The following CDC42SE2 variants were observed in gnomAD, a reference collection of about 807,000 sequenced individuals.
The protein encoded by CDC42SE2 is CDC42 small effector protein 2.
A neutral mutation model predicts 11.5 loss-of-function variants in CDC42SE2; 3 were observed. The observed-to-expected ratio is 0.26, with a 90% CI of 0.12 to 0.67. CDC42SE2 has a LOEUF of 0.67. Ranked by LOEUF, CDC42SE2 falls within the 30% of genes least tolerant of loss-of-function variation. CDC42SE2 has a pLI of 0.80. For synonymous variants in CDC42SE2, 33 were observed against 34.8 expected, an observed-to-expected ratio of 0.95 and a Z score of 0.18; for missense variants, 82 against 106.8, an observed-to-expected ratio of 0.77 and a Z score of 1.02.
rs73262364 is a variant in CDC42SE2 at position 131,256,592 on chromosome 5, T to G, written n.242+1363T>G. Reference sequence around the variant, plus strand: ...AAGTCAGAGTTCTCATCTGGAGGCCTGGGGGAGAATCTGCTCCCAAGCTCT... The same window carrying G: ...AAGTCAGAGTTCTCATCTGGAGGCCGGGGGGAGAATCTGCTCCCAAGCTCT... On this transcript the variant is annotated intron_variant and non_coding_transcript_variant, in intron 2 of 3. Transcript: ENST00000502840. Among the ~76,000 whole-genome samples, 872 of 152,262 alleles carry G rather than the reference T, an allele frequency of 5.7e-3. 13 individuals carry two copies. The highest frequency in any genetic ancestry group is 0.019 in the African/African-American group (783 of 41,548).
the CDC42SE2 span, among the ~76,000 whole-genome samples, chr5:131,217,240 G>A: frequency 0.29 from 44,825 of 152,054 alleles, 9,898 homozygotes; most frequent in African/African-American, 0.63. Flanking sequence ...ACAGCAACAC[G>A]GTTGAGTAGT....
At chr5:131,248,434 G>C (rs1014355422) in intron 1 of CDC42SE2, among the ~76,000 whole-genome samples, 2 of 152,188 alleles carry the variant, frequency 1.3e-5, no homozygotes, top group East Asian at 3.8e-4. Flanking sequence ...ACCATGCCCG[G>C]CAGAAGCATT....
the CDC42SE2 span, among the ~76,000 whole-genome samples, chr5:131,230,308 A>G: frequency 2.0e-5 from 3 of 152,202 alleles, no homozygotes; most frequent in Non-Finnish European, 4.4e-5. Context: ...CTGTTTCACC[A>G]CTCATAATGA....
intron 1 of CDC42SE2, among the ~76,000 whole-genome samples, chr5:131,308,009 G>T (rs528200365): frequency 7.2e-4 from 109 of 152,118 alleles, no homozygotes; most frequent in African/African-American, 2.2e-3. Context: ...TTCTCCCATT[G>T]TGTAGGTTGC....
chr5:131,376,552 T>C (rs752691547), intron 3 of CDC42SE2, among the ~76,000 whole-genome samples: 6 of 152,310 alleles, frequency 3.9e-5, no homozygotes, highest in South Asian at 2.1e-4. Context: ...ATTATATAGG[T>C]AAACTGAGTC....
intron 1 of CDC42SE2, among the ~76,000 whole-genome samples, chr5:131,277,781 T>G (rs543822536): frequency 4.6e-5 from 7 of 152,304 alleles, no homozygotes; most frequent in Admixed American, 3.9e-4. Context: ...ACCACTCAGT[T>G]AAAAATAGGT....
chr5:131,382,293 G>C (rs1389424664), intron 3 of CDC42SE2, among the ~76,000 whole-genome samples: 1 of 152,172 alleles, frequency 6.6e-6, no homozygotes, highest in African/African-American at 2.4e-5. Flanking sequence ...TTGTTTGTGA[G>C]TATGTGTTAA....
chr5:131,349,649 C>G (rs180780496), intron 2 of CDC42SE2, among the ~76,000 whole-genome samples: 1 of 152,102 alleles, frequency 6.6e-6, no homozygotes, highest in Non-Finnish European at 1.5e-5. Flanking sequence ...GAGCATGATC[C>G]AAAGTAGGCA....
the CDC42SE2 span, among the ~76,000 whole-genome samples, chr5:131,227,924 A>G: frequency 6.6e-6 from 1 of 152,236 alleles, no homozygotes; most frequent in African/African-American, 2.4e-5. Context: ...GTACTGGCTC[A>G]TGCCTGTAAT....
Position 131,334,821 on chromosome 5 carries a change from T to C in CDC42SE2, c.-286+18677T>C, listed in dbSNP as rs554759736. 3.9e-5 allele frequency among the ~76,000 whole-genome samples: 6 copies of C among 152,334 alleles called. No homozygotes were observed. In the South Asian group the frequency reaches 1.2e-3, roughly 32 times the overall value. On this transcript the variant is annotated intron_variant, in intron 2 of 4. Transcript: ENST00000505065. ...GGGATGGGTGGTGATATCCCCTTTA[T>C]CATTTTTTATTGGGTCTATTTGATT... is the stretch of plus-strand genomic sequence containing the variant.
intron 1 of CDC42SE2, among the ~76,000 whole-genome samples, chr5:131,312,083 T>G (rs1757931118): frequency 6.6e-6 from 1 of 152,238 alleles, no homozygotes; most frequent in African/African-American, 2.4e-5. Flanking sequence ...TTTTATCTAC[T>G]TTTGGTCTTT....
intron 1 of CDC42SE2, among the ~76,000 whole-genome samples, chr5:131,282,930 T>C (rs1210752311): frequency 1.6e-5 from 2 of 123,128 alleles, no homozygotes; most frequent in Non-Finnish European, 3.4e-5. Flanking sequence ...CACCTGGCCC[T>C]TTTTTTTTTT....
At chr5:131,264,364 C>T (rs1756807452) in intron 1 of CDC42SE2, among the ~76,000 whole-genome samples, 198 bp downstream of exon 1, 1 of 152,126 alleles carries the variant, frequency 6.6e-6, no homozygotes, top group South Asian at 2.1e-4. Context: ...GTCCTCATGC[C>T]CTAGGACCCT....
In CDC42SE2 at chr5:131,394,243, AAACTG is replaced by A. The variant is rs1353753474; in HGVS notation, c.*3155_*3159del. 6.6e-6 allele frequency: 1 copy of A among 152,368 alleles called. No homozygotes were observed. Among genetic ancestry groups the A allele is most frequent in the Non-Finnish European group, 1.5e-5 (1 of 68,038 alleles). 9.4% of individuals were successfully genotyped at this position (152,368 alleles called of 1,614,324 possible). ...TATGCTAACAAATGTTAAGCAAGGG[AAACTG>A]AAGACTTAGTCATGTGGATTGTTAG... is the stretch of plus-strand genomic sequence containing the variant. On this transcript the variant is annotated 3_prime_UTR_variant, in exon 5 of 5. Transcript: ENST00000505065.
chr5:131,288,823 A>T (rs922920134), intron 1 of CDC42SE2, among the ~76,000 whole-genome samples: 1 of 152,210 alleles, frequency 6.6e-6, no homozygotes, highest in South Asian at 2.1e-4. Context: ...TAGAGATGCT[A>T]TTGACTACTT....
rs1336710070 is a variant in CDC42SE2 at position 131,391,939 on chromosome 5, A to AC, written c.*851dup. 2.0e-5 allele frequency: 3 copies of AC among 152,138 alleles called. No individual in the cohort carries two copies. Among genetic ancestry groups the AC allele is most frequent in the Admixed American group, 6.6e-5 (1 of 15,240 alleles). The allele number at this position is 152,138 out of a possible 1,614,324, so 9.4% of individuals were successfully genotyped here. A position where few individuals can be genotyped will look rare whatever the true frequency, so the allele number is the denominator to read the frequency against. On this transcript the variant is annotated 3_prime_UTR_variant, in exon 5 of 5. Transcript: ENST00000505065. ...AAAGAAGTGTGATGGCACCTTGTCCACCCTGTCGTGATTATTCCAGTGAGA... is the reference window on the plus strand; with the variant it reads ...AAAGAAGTGTGATGGCACCTTGTCCACCCCTGTCGTGATTATTCCAGTGAGA...
At chr5:131,344,025 T>C (rs553288739) in intron 2 of CDC42SE2, among the ~76,000 whole-genome samples, 1 of 152,262 alleles carries the variant, frequency 6.6e-6, no homozygotes, top group South Asian at 2.1e-4. Context: ...AAGGAAGATG[T>C]TAGAAAAAGC....
upstream of CDC42SE2, among the ~76,000 whole-genome samples, chr5:131,261,070 A>G (rs2149686279): frequency 6.6e-6 from 1 of 152,378 alleles, no homozygotes; most frequent in East Asian, 1.9e-4. Flanking sequence ...GCTCAAGGCT[A>G]TTTAGCAGTT....
intron 3 of CDC42SE2, among the ~76,000 whole-genome samples, chr5:131,371,768 G>C (rs765362110): frequency 6.6e-6 from 1 of 152,204 alleles, no homozygotes. Flanking sequence ...AAATAGAAAT[G>C]AACACCCATG....
Sources: allele counts gnomAD v4.1 joint callset (sites outside exome capture counted in the v4.1 genomes callset), GRCh38; gene constraint gnomAD v4.1.1; transcripts MANE v1.5; gene names NCBI Gene and HGNC (gene_info 2026-07-23, HGNC 2026-07-21).